The following EYS variants were observed in gnomAD, a reference collection of about 807,000 sequenced individuals.
EYS encodes protein eyes shut homolog.
In EYS, 250 loss-of-function variants were observed where a neutral mutation model predicts 282.1. The ratio of observed to expected loss-of-function variants is 0.89; its 90% CI spans 0.80 to 0.98. The LOEUF is 0.98. Among genes scored for constraint, EYS ranks in the 50% least tolerant of loss-of-function variants. The pLI, the probability that EYS is intolerant of heterozygous loss-of-function variation, is 0.00. For synonymous variants in EYS, 1,355 were observed against 1,282.9 expected, an observed-to-expected ratio of 1.06 and a Z score of -1.20; for missense variants, 4,016 against 3,709.0, an observed-to-expected ratio of 1.08 and a Z score of -2.15.
intron 15 of EYS, among the ~76,000 whole-genome samples, chr6:64,919,298 A>T (rs181493131): frequency 5.5e-4 from 83 of 152,124 alleles, no homozygotes; most frequent in African/African-American, 1.8e-3. Flanking sequence ...CAGCCTCTCA[A>T]GTAGCTGGGA....
intron 2 of EYS, among the ~76,000 whole-genome samples, chr6:65,606,179 C>G (rs1389769996): frequency 6.6e-6 from 1 of 151,390 alleles, no homozygotes; most frequent in Non-Finnish European, 1.5e-5. Context: ...TATTCCTTAC[C>G]TTCCACATAT....
At chr6:63,826,755 G>A (rs1346473756) in intron 36 of EYS, among the ~76,000 whole-genome samples, 3 of 148,260 alleles carry the variant, frequency 2.0e-5, no homozygotes, top group African/African-American at 7.5e-5. Flanking sequence ...TCTAAATCTT[G>A]GGAAAAAAAT....
intron 36 of EYS, among the ~76,000 whole-genome samples, chr6:63,827,866 A>AATAAAAAT (rs1554175914): frequency 1.3e-3 from 192 of 148,496 alleles, no homozygotes; most frequent in Non-Finnish European, 2.2e-3. Context: ...AAAAAAAAAA[A>AATAAAAAT]AAAAAGAAAT....
chr6:63,990,345 C>T (rs1435251688), intron 34 of EYS, among the ~76,000 whole-genome samples: 1 of 151,550 alleles, frequency 6.6e-6, no homozygotes, highest in Non-Finnish European at 1.5e-5. Context: ...GATTGTGAAG[C>T]CAGCTGTATC....
At chr6:65,579,379 A>G (rs1285579060) in intron 2 of EYS, among the ~76,000 whole-genome samples, 1 of 152,178 alleles carries the variant, frequency 6.6e-6, no homozygotes, top group East Asian at 1.9e-4. Flanking sequence ...TACAGAAAAT[A>G]CATATATTTA....
chr6:65,606,130 C>T (rs1425595062), intron 2 of EYS, among the ~76,000 whole-genome samples: 1 of 151,492 alleles, frequency 6.6e-6, no homozygotes, highest in Non-Finnish European at 1.5e-5. Flanking sequence ...AAATGGTAGT[C>T]TCTAGGAAAC....
chr6:65,054,320 T>A (rs1219429227), intron 13 of EYS, among the ~76,000 whole-genome samples: 1 of 151,984 alleles, frequency 6.6e-6, no homozygotes, highest in African/African-American at 2.4e-5. Flanking sequence ...CATATAAGAA[T>A]TAGGGACCTA....
chr6:65,520,526 A>G (rs575745210), intron 2 of EYS, among the ~76,000 whole-genome samples: 64 of 152,252 alleles, frequency 4.2e-4, no homozygotes, highest in African/African-American at 1.5e-3. Flanking sequence ...CATGAGAAGT[A>G]AAAATGTTAC....
intron 35 of EYS, among the ~76,000 whole-genome samples, chr6:63,900,150 A>T (rs532131954): frequency 6.6e-6 from 1 of 152,286 alleles, no homozygotes; most frequent in South Asian, 2.1e-4. Flanking sequence ...CATGGCTATT[A>T]AAAAACACAA....
Position 63,720,874 on chromosome 6 carries a change from G to C in EYS, c.9157C>G (p.Gln3053Glu), listed in dbSNP as rs1452044257. The C allele has an allele frequency of 6.4e-7, 1 of 1,551,000 alleles. No individual in the cohort carries two copies. Among genetic ancestry groups the C allele is most frequent in the East Asian group, 2.4e-5 (1 of 40,856 alleles). Residue 3053 changes from glutamine to glutamate, a missense_variant, in exon 43 of 43, where the codon CAG (glutamine) becomes GAG (glutamate). Physicochemically the swap from Gln to Glu is conservative, Grantham distance 29. Coordinates refer to ENST00000503581, the MANE Select transcript of EYS (RefSeq NM_001142800.2). Reference protein sequence around the residue: ...KWHHVVVIQNQTLIKAYINNS... With the variant: ...KWHHVVVIQNETLIKAYINNS... The stretch of plus-strand genomic sequence containing the variant: ...TTTATGTAGGCCTTGATAAGAGTCT[G>C]ATTTTGAATTACAACTACATGGTGC...
intron 8 of EYS, among the ~76,000 whole-genome samples, chr6:65,368,657 T>C (rs746029438): frequency 6.6e-6 from 1 of 151,712 alleles, no homozygotes; most frequent in Non-Finnish European, 1.5e-5. Flanking sequence ...ATGAGAGTAA[T>C]TTAAATTATT....
chr6:64,871,367 A>T (rs1766591681), intron 19 of EYS, among the ~76,000 whole-genome samples: 1 of 151,702 alleles, frequency 6.6e-6, no homozygotes, highest in South Asian at 2.1e-4. Flanking sequence ...AGTGGAAAGT[A>T]CCTGTAGATC....
At chr6:64,594,079 AT>A (rs1231919590) in intron 24 of EYS, among the ~76,000 whole-genome samples, 3 of 152,152 alleles carry the variant, frequency 2.0e-5, no homozygotes, top group African/African-American at 7.2e-5. Context: ...GTGTTCTAAT[AT>A]TTGTTAAATA....
At chr6:65,499,000 G>A (rs566816487) in intron 2 of EYS, among the ~76,000 whole-genome samples, 4 of 152,022 alleles carry the variant, frequency 2.6e-5, no homozygotes, top group Admixed American at 6.6e-5. Context: ...CCAGAACTAC[G>A]ATGGAGCCAT....
chr6:64,355,752 T>C (rs1249302411), intron 29 of EYS, among the ~76,000 whole-genome samples: 2 of 151,580 alleles, frequency 1.3e-5, no homozygotes, highest in Non-Finnish European at 3.0e-5. Context: ...ATGAAAGGGA[T>C]ACAAAGATGA....
chr6:65,102,210 T>C (rs1774914617), intron 12 of EYS, among the ~76,000 whole-genome samples: 1 of 151,346 alleles, frequency 6.6e-6, no homozygotes, highest in Admixed American at 6.6e-5. Flanking sequence ...TGATTTCTAT[T>C]CTATACCTTT....
At chr6:64,244,005 C>CA (rs930449882) in intron 30 of EYS, among the ~76,000 whole-genome samples, 2 of 151,934 alleles carry the variant, frequency 1.3e-5, no homozygotes, top group Admixed American at 1.3e-4. Context: ...CTTATTGGGT[C>CA]AAAAAAATGT....
intron 33 of EYS, among the ~76,000 whole-genome samples, chr6:64,039,994 T>C (rs1770308467): frequency 6.6e-6 from 1 of 152,160 alleles, no homozygotes; most frequent in African/African-American, 2.4e-5. Flanking sequence ...CTGAAATAGA[T>C]GGAAAGAAGA....
At position 64,676,344 on chromosome 6, in the gene EYS, A is replaced by ATC. The variant is rs1409638862; in HGVS notation, c.3444-50100_3444-50099insGA. ...TATATATATATCTATATATCTATAT[A>ATC]TATATATAGAGAGAGAGAGGGAGAG... On this transcript the variant is annotated intron_variant, in intron 22 of 42. Transcript: ENST00000503581. Among the ~76,000 whole-genome samples the ATC allele has an allele frequency of 9.0e-3, 1,199 of 132,968 alleles. 5 individuals carry two copies. The highest frequency in any genetic ancestry group is 0.031 in the East Asian group (148 of 4,838). 87.2% of individuals were successfully genotyped at this position (132,968 alleles called of 152,430 possible). A position where few individuals can be genotyped will look rare whatever the true frequency, so the allele number is the denominator to read the frequency against.
Sources: gnomAD v4.1 joint callset for allele counts (sites outside exome capture counted in the v4.1 genomes callset) on GRCh38, gnomAD v4.1.1 for gene constraint, MANE v1.5 for transcripts, NCBI Gene and HGNC (gene_info 2026-07-23, HGNC 2026-07-21) for gene names.